The following PDZRN4 variants were observed in gnomAD, a reference collection of about 807,000 sequenced individuals.
PDZRN4 encodes the protein PDZ domain-containing RING finger protein 4.
A neutral mutation model predicts 99.0 loss-of-function variants in PDZRN4; 70 were observed. The observed-to-expected ratio is 0.71, with a 90% CI of 0.58 to 0.86. PDZRN4 has a LOEUF of 0.86. Ranked by LOEUF, PDZRN4 falls within the 40% of genes least tolerant of loss-of-function variation. The probability of loss-of-function intolerance (pLI) is 0.00; values close to 1 mark genes in which losing one functional copy is unlikely to be tolerated. For synonymous variants in PDZRN4, 551 were observed against 501.6 expected (o/e 1.10, Z -1.32); for missense variants, 1,474 against 1,331.2 (o/e 1.11, Z -1.67).
chr12:41,420,352 C>G (rs1285037526), intron 3 of PDZRN4, among the ~76,000 whole-genome samples: 1 of 152,148 alleles, frequency 6.6e-6, no homozygotes, highest in East Asian at 1.9e-4. Context: ...AACAAGCAAA[C>G]CAATCCTTCC....
chr12:41,573,569 C>G lies in PDZRN4; in HGVS notation c.2790C>G (p.Asp930Glu). ...GGAGTGGCATGACCACAGACGATGA[C>G]ACCATGAGCGAGATGAAAATGGGGC... ...EERSGMTTDD[D>E]TMSEMKMGRY... Residue 930 changes from aspartate (D) to glutamate (E), a missense_variant, in exon 10 of 10, where the codon GAC becomes GAG. Physicochemically the swap from Asp to Glu is conservative, Grantham distance 45. Coordinates refer to ENST00000402685, the MANE Select transcript of PDZRN4 (RefSeq NM_001164595.2). The G allele has an allele frequency of 6.2e-7, 1 of 1,612,988 alleles. No homozygotes were observed. Among genetic ancestry groups the G allele is most frequent in the Non-Finnish European group, 8.5e-7 (1 of 1,179,680 alleles).
In PDZRN4 at chr12:41,239,609, C is replaced by G. The variant is rs137888801; in HGVS notation, c.843+45421C>G. On this transcript the variant is annotated intron_variant, in intron 3 of 9. Transcript: ENST00000402685. ...TTACCAAATATTAGCTGAGTACTACCAGGTAAAAGGTGCCATATGCTATTG... is the reference window on the plus strand; with the variant it reads ...TTACCAAATATTAGCTGAGTACTACGAGGTAAAAGGTGCCATATGCTATTG... Among the ~76,000 whole-genome samples the G allele has an allele frequency of 1.1e-3, 175 of 152,218 alleles. 1 individual carries two copies. The highest frequency in any genetic ancestry group is 4.0e-3 in the African/African-American group (165 of 41,548).
chr12:41,319,067 A>C (rs756350783), intron 3 of PDZRN4, among the ~76,000 whole-genome samples: 1 of 152,136 alleles, frequency 6.6e-6, no homozygotes, highest in Non-Finnish European at 1.5e-5. Flanking sequence ...CAAACATGCA[A>C]ATTTTCACAT....
At chr12:41,207,133 A>G (rs1338787540) in intron 3 of PDZRN4, among the ~76,000 whole-genome samples, 1 of 151,954 alleles carries the variant, frequency 6.6e-6, no homozygotes, top group Non-Finnish European at 1.5e-5. Context: ...TTTTCTTCTT[A>G]CACAAACTTT....
intron 3 of PDZRN4, among the ~76,000 whole-genome samples, chr12:41,404,079 T>C (rs1952324170): frequency 6.6e-6 from 1 of 152,178 alleles, no homozygotes; most frequent in Non-Finnish European, 1.5e-5. Flanking sequence ...AAACCATCTC[T>C]AGAATACTTA....
At chr12:41,367,209 G>A (rs1296307843) in intron 3 of PDZRN4, among the ~76,000 whole-genome samples, 1 of 152,014 alleles carries the variant, frequency 6.6e-6, no homozygotes, top group African/African-American at 2.4e-5. Context: ...GAGTTGAATG[G>A]TAGAAATGTT....
chr12:41,469,467 A>C (rs1363993060), intron 3 of PDZRN4, among the ~76,000 whole-genome samples: 2 of 152,198 alleles, frequency 1.3e-5, no homozygotes, highest in East Asian at 3.9e-4. Flanking sequence ...AAACACAGTG[A>C]CTTGTACTGC....
intron 3 of PDZRN4, among the ~76,000 whole-genome samples, chr12:41,262,370 C>T (rs897155257): frequency 2.6e-5 from 4 of 152,160 alleles, no homozygotes; most frequent in South Asian, 2.1e-4. Context: ...GTTTAAGAAG[C>T]TTCTGTTGAG....
At chr12:41,397,373 C>G (rs1363343864) in intron 3 of PDZRN4, among the ~76,000 whole-genome samples, 2 of 152,048 alleles carry the variant, frequency 1.3e-5, no homozygotes, top group African/African-American at 4.8e-5. Context: ...CTTGCTTTGC[C>G]CTGTGCTTGT....
chr12:41,545,166 C>A (rs1461902068), intron 5 of PDZRN4, among the ~76,000 whole-genome samples: 1 of 152,178 alleles, frequency 6.6e-6, no homozygotes, highest in Middle Eastern at 3.4e-3. Flanking sequence ...TGCAAAGAAC[C>A]CAAATTATTT....
chr12:41,532,780 C>A (rs1442903511), intron 5 of PDZRN4, among the ~76,000 whole-genome samples: 1 of 152,108 alleles, frequency 6.6e-6, no homozygotes, highest in Non-Finnish European at 1.5e-5. Flanking sequence ...TATTTATATA[C>A]CAAACCCTTA....
chr12:41,540,594 A>G (rs1482630228), intron 5 of PDZRN4, among the ~76,000 whole-genome samples: 1 of 152,232 alleles, frequency 6.6e-6, no homozygotes, highest in Admixed American at 6.5e-5. Context: ...CCTCATCAGC[A>G]TATAGGTCCA....
chr12:41,261,235 G>T (rs1302371279), intron 3 of PDZRN4, among the ~76,000 whole-genome samples: 2 of 151,792 alleles, frequency 1.3e-5, no homozygotes, highest in Non-Finnish European at 2.9e-5. Flanking sequence ...GTTGCATTTC[G>T]AAAAACGTAT....
intron 3 of PDZRN4, among the ~76,000 whole-genome samples, chr12:41,350,503 T>C (rs1175949260): frequency 1.3e-5 from 2 of 152,112 alleles, no homozygotes; most frequent in Non-Finnish European, 2.9e-5. Context: ...ATTTATGAAA[T>C]CTCTCAAATT....
chr12:41,292,543 T>G (rs1951463273), intron 3 of PDZRN4, among the ~76,000 whole-genome samples: 1 of 152,210 alleles, frequency 6.6e-6, no homozygotes, highest in Non-Finnish European at 1.5e-5. Context: ...TTTGACTGGG[T>G]TTGTGCTTCC....
intron 3 of PDZRN4, among the ~76,000 whole-genome samples, chr12:41,407,321 G>A (rs1952357455): frequency 6.6e-6 from 1 of 152,136 alleles, no homozygotes; most frequent in Admixed American, 6.5e-5. Flanking sequence ...TTTAACATGA[G>A]CCTGTAGTAA....
chr12:41,468,473 T>C (rs181394039), intron 3 of PDZRN4, among the ~76,000 whole-genome samples: 86 of 152,336 alleles, frequency 5.6e-4, no homozygotes, highest in Admixed American at 2.4e-3. Context: ...CAGATATTCC[T>C]GACTGTAGTT....
chr12:41,548,695 G>A (rs765124274), intron 5 of PDZRN4, among the ~76,000 whole-genome samples: 3 of 152,180 alleles, frequency 2.0e-5, no homozygotes, highest in Non-Finnish European at 4.4e-5. Context: ...TGCTTTTTAA[G>A]CAGTGTCAAC....
chr12:41,360,723 A>G (rs1333626444), intron 3 of PDZRN4, among the ~76,000 whole-genome samples: 1 of 152,044 alleles, frequency 6.6e-6, no homozygotes, highest in Non-Finnish European at 1.5e-5. Flanking sequence ...GACTACCTGA[A>G]AGAAGCTTGA....
Sources: gnomAD v4.1 joint callset for allele counts (sites outside exome capture counted in the v4.1 genomes callset) on GRCh38, gnomAD v4.1.1 for gene constraint, MANE v1.5 for transcripts, NCBI Gene and HGNC (gene_info 2026-07-23, HGNC 2026-07-21) for gene names.